Variants in PRKG2 observed in about 807,000 individuals in gnomAD.
PRKG2 encodes the protein protein kinase cGMP-dependent 2.
PRKG2 carries 33 observed loss-of-function variants against 97.2 expected under a neutral mutation model. That is an observed-to-expected ratio of 0.34 (90% CI 0.26 to 0.45). PRKG2 has a LOEUF of 0.45. PRKG2 is among the 20% of genes least tolerant of loss of function. The probability of loss-of-function intolerance (pLI) is 1.00; values close to 1 mark genes in which losing one functional copy is unlikely to be tolerated. For missense variants in PRKG2, 638 were observed against 900.0 expected, an observed-to-expected ratio of 0.71 and a Z score of 3.73; for synonymous variants, 330 against 321.8, an observed-to-expected ratio of 1.03 and a Z score of -0.27.
At chr4:81,159,811 G>T (rs1229634117) in intron 6 of PRKG2, among the ~76,000 whole-genome samples, 2 of 151,988 alleles carry the variant, frequency 1.3e-5, no homozygotes, top group Admixed American at 6.5e-5. Context: ...CCTTTGTAGG[G>T]ACATGGATGA....
At chr4:81,158,020 AAG>A (rs1487991435) in intron 6 of PRKG2, among the ~76,000 whole-genome samples, 1 of 149,814 alleles carries the variant, frequency 6.7e-6, no homozygotes, top group African/African-American at 2.6e-5. Context: ...AAACTGGCAC[AAG>A]ACACGGATGC....
chr4:81,126,362 A>C (rs1745557757), intron 14 of PRKG2, among the ~76,000 whole-genome samples: 1 of 152,166 alleles, frequency 6.6e-6, no homozygotes, highest in Non-Finnish European at 1.5e-5. Flanking sequence ...TTTATAGTAG[A>C]ACGATTTATA....
intron 1 of PRKG2, among the ~76,000 whole-genome samples, chr4:81,208,313 G>A (rs1753789163): frequency 6.6e-6 from 1 of 152,158 alleles, no homozygotes; most frequent in South Asian, 2.1e-4. Context: ...ATTATAGTAT[G>A]TAACTAGAAA....
At chr4:81,206,077 C>T (rs567186867) in intron 1 of PRKG2, among the ~76,000 whole-genome samples, 3 of 152,088 alleles carry the variant, frequency 2.0e-5, no homozygotes, top group East Asian at 1.9e-4. Context: ...TGAGTCAATT[C>T]GATGAAAATA....
At position 81,135,310 on chromosome 4, in the gene PRKG2, ATT is replaced by A; in HGVS notation, c.1635-16_1635-15del. The A allele has an allele frequency of 6.2e-7, 1 of 1,611,152 alleles. No individual in the cohort carries two copies. The highest frequency in any genetic ancestry group is 8.5e-7 in the Non-Finnish European group (1 of 1,178,592). On this transcript the variant is annotated splice_polypyrimidine_tract_variant and intron_variant, in intron 13 of 18. Transcript: ENST00000264399. ...TCAAAGCTGCCTCTGCAACGAAATC[ATT>A]TTCCCTCTTAATACTTTGGATACAC...
chr4:81,194,748 G>T (rs1752841633), intron 2 of PRKG2, among the ~76,000 whole-genome samples: 2 of 152,254 alleles, frequency 1.3e-5, no homozygotes, highest in South Asian at 4.1e-4. Context: ...TCATTGTGTT[G>T]CATGGTAATT....
intron 1 of PRKG2, among the ~76,000 whole-genome samples, chr4:81,209,179 T>TAAGA (rs1310124256): frequency 6.6e-6 from 1 of 152,180 alleles, no homozygotes; most frequent in African/African-American, 2.4e-5. Context: ...AGAAGAGACA[T>TAAGA]AAGAAAAGCA....
chr4:81,140,725 C>G, intron 11 of PRKG2, 56 bp from the exon 12 acceptor site: 1 of 1,458,570 alleles, frequency 6.9e-7, no homozygotes. Flanking sequence ...ATAAAACACA[C>G]TAATCAATGA....
At chr4:81,201,683 G>A (rs1049489999) in intron 2 of PRKG2, among the ~76,000 whole-genome samples, 4 of 152,070 alleles carry the variant, frequency 2.6e-5, no homozygotes, top group South Asian at 2.1e-4. Flanking sequence ...TGAATTATAG[G>A]AACTGAATAT....
chr4:81,137,488 A>C lies in PRKG2; in HGVS notation c.1545-6T>G, dbSNP rs952038155. On this transcript the variant is annotated splice_region_variant and splice_polypyrimidine_tract_variant and intron_variant, in intron 12 of 18. Transcript: ENST00000264399. Reference sequence around the variant, plus strand: ...CCTTGAAAGTACGATATAATCTGTGAAGACAGATAAAAACATGGTTATTAT... The same window carrying C: ...CCTTGAAAGTACGATATAATCTGTGCAGACAGATAAAAACATGGTTATTAT... 6.3e-7 allele frequency: 1 copy of C among 1,590,550 alleles called. No individual in the cohort carries two copies. Among genetic ancestry groups the C allele is most frequent in the African/African-American group, 1.3e-5 (1 of 74,232 alleles).
At chr4:81,111,869 T>C (rs1448795262) in intron 14 of PRKG2, among the ~76,000 whole-genome samples, 2 of 152,168 alleles carry the variant, frequency 1.3e-5, no homozygotes, top group African/African-American at 2.4e-5. Context: ...AATAAAACTA[T>C]CCTCCACCTT....
At chr4:81,120,622 T>G (rs1338883939) in intron 14 of PRKG2, among the ~76,000 whole-genome samples, 1 of 152,226 alleles carries the variant, frequency 6.6e-6, no homozygotes, top group Non-Finnish European at 1.5e-5. Context: ...AGGAAAGTGA[T>G]TGATTTTTGC....
intron 4 of PRKG2, 56 bp downstream of exon 4, chr4:81,171,635 G>T: frequency 7.3e-7 from 1 of 1,374,746 alleles, no homozygotes. Context: ...GACTGGACTA[G>T]ATTATCTTTA....
chr4:81,133,836 A>AT (rs1283647739), intron 14 of PRKG2, among the ~76,000 whole-genome samples: 12 of 149,318 alleles, frequency 8.0e-5, no homozygotes, highest in African/African-American at 2.8e-4. Flanking sequence ...TATACATGTG[A>AT]AATATATAGC....
intron 1 of PRKG2, among the ~76,000 whole-genome samples, chr4:81,212,469 G>C (rs1754031450): frequency 6.6e-6 from 1 of 152,170 alleles, no homozygotes; most frequent in Non-Finnish European, 1.5e-5. Flanking sequence ...GTGGTGGCAA[G>C]AAGAAAGACG....
intron 6 of PRKG2, among the ~76,000 whole-genome samples, chr4:81,162,931 T>G (rs1223167756): frequency 6.6e-6 from 1 of 152,206 alleles, no homozygotes; most frequent in Non-Finnish European, 1.5e-5. Flanking sequence ...ATTTCTGAAG[T>G]GCTGTTAGGC....
Position 81,105,878 on chromosome 4 carries a change from A to G in PRKG2, c.1998T>C (p.Ile666=), listed in dbSNP as rs1470147380. 2 of 1,613,724 alleles carry G rather than the reference A, an allele frequency of 1.2e-6. No homozygotes were observed. The highest frequency in any genetic ancestry group is 1.7e-5 in the Admixed American group (1 of 59,996). Residue 666 remains isoleucine, a synonymous_variant, in exon 16 of 19, where the codon ATT becomes ATC. Coordinates refer to ENST00000264399, the MANE Select transcript of PRKG2 (RefSeq NM_006259.3). ...MMTYNLILKG[I]EKMDFPRKIT... is the part of the protein sequence containing the mutation. ...TCTTCCTGGGAAAATCCATTTTTTC[A>G]ATTCCTTTGAGAATCAAATTGTAGG...
chr4:81,125,000 G>A (rs779233133), intron 14 of PRKG2, among the ~76,000 whole-genome samples: 5 of 151,586 alleles, frequency 3.3e-5, no homozygotes, highest in East Asian at 1.9e-4. Flanking sequence ...TTTTGTCTAC[G>A]ACTCCACTCT....
chr4:81,103,292 A>G (rs1742992168), intron 17 of PRKG2, among the ~76,000 whole-genome samples: 1 of 152,042 alleles, frequency 6.6e-6, no homozygotes, highest in African/African-American at 2.4e-5. Context: ...CATATCTCCT[A>G]ATGCTATCCC....
Sources: allele counts gnomAD v4.1 joint callset (sites outside exome capture counted in the v4.1 genomes callset), GRCh38; gene constraint gnomAD v4.1.1; transcripts MANE v1.5; gene names NCBI Gene and HGNC (gene_info 2026-07-23, HGNC 2026-07-21).